The following RANGAP1 variants were observed in gnomAD, a reference collection of about 807,000 sequenced individuals.
RANGAP1 encodes the protein Ran GTPase activating protein 1, also known as ran GTPase-activating protein 1.
A neutral mutation model predicts 63.5 loss-of-function variants in RANGAP1; 38 were observed. The ratio of observed to expected loss-of-function variants is 0.60; its 90% CI spans 0.46 to 0.78. The LOEUF (loss-of-function observed/expected upper bound fraction) is 0.78, where lower values mean the gene tolerates loss of function less well. Among genes scored for constraint, RANGAP1 ranks in the 30% least tolerant of loss-of-function variants. The probability of loss-of-function intolerance (pLI) is 0.00; values close to 1 mark genes in which losing one functional copy is unlikely to be tolerated. For synonymous variants in RANGAP1, 329 were observed against 310.5 expected, an observed-to-expected ratio of 1.06 and a Z score of -0.63; for missense variants, 630 against 740.3, an observed-to-expected ratio of 0.85 and a Z score of 1.73.
the RANGAP1 span, among the ~76,000 whole-genome samples, chr22:41,292,800 T>C: frequency 6.6e-6 from 1 of 152,032 alleles, no homozygotes; most frequent in Non-Finnish European, 1.5e-5. Context: ...ACAATTTTTT[T>C]TTTCTTTTTT....
chr22:41,252,122 G>A (rs1048744967), intron 12 of RANGAP1, among the ~76,000 whole-genome samples: 1 of 152,050 alleles, frequency 6.6e-6, no homozygotes, highest in Non-Finnish European at 1.5e-5. Flanking sequence ...CATGAGGTCA[G>A]GAGTTTGAGA....
At chr22:41,269,508 G>A (rs908094151) in intron 3 of RANGAP1, among the ~76,000 whole-genome samples, 1 of 151,586 alleles carries the variant, frequency 6.6e-6, no homozygotes, top group Admixed American at 6.6e-5. Flanking sequence ...GCGGAGACAG[G>A]CAGATCACCT....
intron 3 of RANGAP1, among the ~76,000 whole-genome samples, chr22:41,272,948 G>A (rs1437844693): frequency 2.6e-5 from 4 of 152,088 alleles, no homozygotes; most frequent in Non-Finnish European, 4.4e-5. Context: ...AAGGAGCTGG[G>A]ACCATAGGTG....
intron 1 of RANGAP1, chr22:41,285,721 A>T: frequency 1.0e-6 from 1 of 976,808 alleles, no homozygotes; most frequent in Non-Finnish European, 1.2e-6. Context: ...CAATGCTAAT[A>T]TGAGACGCCA....
At chr22:41,261,058 T>C (rs2034138311) in intron 6 of RANGAP1, among the ~76,000 whole-genome samples, 1 of 152,092 alleles carries the variant, frequency 6.6e-6, no homozygotes, top group African/African-American at 2.4e-5. Flanking sequence ...CTCCCTGTCT[T>C]GGAGGTCTGG....
At chr22:41,289,300 G>T (rs1293490183), upstream of RANGAP1, among the ~76,000 whole-genome samples, 1 of 152,010 alleles carries the variant, frequency 6.6e-6, no homozygotes, top group African/African-American at 2.4e-5. Flanking sequence ...GCCCAAGGGT[G>T]CCCAGTGAAT....
the RANGAP1 span, among the ~76,000 whole-genome samples, chr22:41,294,280 C>T: frequency 6.6e-6 from 1 of 152,236 alleles, no homozygotes; most frequent in Non-Finnish European, 1.5e-5. Flanking sequence ...TCTCCAGCTC[C>T]TAACCGCGAG....
chr22:41,249,332 G>A lies in RANGAP1; in HGVS notation c.1692C>T (p.Thr564=), dbSNP rs758095731. ...CAGAAGGACAAGGCCACACTCACTT[G>A]GTCACGAACGCCAGCAGCAGGGGTG... ...ALAPLLLAFV[T]KPNSALESCS... Residue 564 remains threonine, a splice_region_variant and synonymous_variant, in exon 15 of 16, where the codon ACC becomes ACT. Coordinates refer to ENST00000356244, the MANE Select transcript of RANGAP1 (RefSeq NM_002883.4). 6.3e-7 allele frequency: 1 copy of A among 1,599,902 alleles called. No individual in the cohort carries two copies. The highest frequency in any genetic ancestry group is 8.5e-7 in the Non-Finnish European group (1 of 1,172,276).
the RANGAP1 span, among the ~76,000 whole-genome samples, chr22:41,291,559 C>G: frequency 7.2e-6 from 1 of 139,230 alleles, no homozygotes; most frequent in African/African-American, 2.7e-5. Flanking sequence ...GATCACGCCA[C>G]TGCACTCCAG....
intron 2 of RANGAP1, among the ~76,000 whole-genome samples, chr22:41,275,104 C>G (rs1175534030): frequency 6.6e-6 from 1 of 152,070 alleles, no homozygotes; most frequent in East Asian, 1.9e-4. Context: ...GGCACAAAGG[C>G]TTTCATTGTT....
chr22:41,267,617 G>T (rs902862515), intron 4 of RANGAP1, among the ~76,000 whole-genome samples: 3 of 152,188 alleles, frequency 2.0e-5, no homozygotes, highest in African/African-American at 7.2e-5. Flanking sequence ...CCCTGGGAAT[G>T]AAGAAATGGG....
intron 11 of RANGAP1, 196 bp from the exon 12 acceptor site, chr22:41,253,187 T>G (rs2033590490): frequency 1.8e-6 from 1 of 554,038 alleles, no homozygotes; most frequent in African/African-American, 2.0e-5. Flanking sequence ...TGGATGGCTC[T>G]TGGTCCAGGA....
In RANGAP1 at chr22:41,256,431, CCAA is replaced by C; in HGVS notation, c.889-144_889-142del. On this transcript the variant is annotated intron_variant, in intron 8 of 15. Transcript: ENST00000356244. The stretch of plus-strand genomic sequence containing the variant: ...GGCAAAGTGGGCAGGAAGAATAACA[CCAA>C]CAACAAAAATAATGCCCTGCAGCCA... 5.1e-6 allele frequency: 4 copies of C among 783,050 alleles called. No individual in the cohort carries two copies. In the South Asian group the frequency reaches 5.3e-5, roughly 10 times the overall value. The allele number at this position is 783,050 out of a possible 1,614,324, so 48.5% of individuals were successfully genotyped here. A position where few individuals can be genotyped will look rare whatever the true frequency, so the allele number is the denominator to read the frequency against.
At chr22:41,269,795 T>C (rs1268929989) in intron 3 of RANGAP1, among the ~76,000 whole-genome samples, 1 of 151,114 alleles carries the variant, frequency 6.6e-6, no homozygotes, top group Non-Finnish European at 1.5e-5. Context: ...AGCATAAAGA[T>C]AAATATTTAA....
intron 3 of RANGAP1, among the ~76,000 whole-genome samples, chr22:41,271,964 G>C (rs1033293107): frequency 6.6e-6 from 1 of 152,222 alleles, no homozygotes; most frequent in Non-Finnish European, 1.5e-5. Context: ...TCGAGCCACT[G>C]CATCTGTAGC....
chr22:41,279,853 T>C (rs1368594493), intron 2 of RANGAP1, among the ~76,000 whole-genome samples: 1 of 149,866 alleles, frequency 6.7e-6, no homozygotes, highest in Non-Finnish European at 1.5e-5. Flanking sequence ...ATCCGAACAC[T>C]TTGGGAGGCC....
At chr22:41,294,383 G>T in the RANGAP1 span, among the ~76,000 whole-genome samples, 1 of 152,104 alleles carries the variant, frequency 6.6e-6, no homozygotes. Flanking sequence ...GAGTGCAGTG[G>T]CGTGATCTCG....
At chr22:41,252,848 T>TG (rs765370116) in intron 12 of RANGAP1, 24 bp downstream of exon 12, 2 of 1,556,020 alleles carry the variant, frequency 1.3e-6, no homozygotes, top group Non-Finnish European at 1.7e-6. Context: ...ACGTACAGCG[T>TG]GGGGGTCGAG....
the RANGAP1 span, among the ~76,000 whole-genome samples, chr22:41,292,257 C>T: frequency 1.3e-5 from 2 of 151,972 alleles, no homozygotes; most frequent in Non-Finnish European, 1.5e-5. Flanking sequence ...AAGAGATTCT[C>T]CTGCCTCAGC....
Sources: allele counts gnomAD v4.1 joint callset (sites outside exome capture counted in the v4.1 genomes callset), GRCh38; gene constraint gnomAD v4.1.1; transcripts MANE v1.5; gene names NCBI Gene and HGNC (gene_info 2026-07-23, HGNC 2026-07-21).